Variants in ANKRD31 observed in about 807,000 individuals in gnomAD.
The protein encoded by ANKRD31 is ankyrin repeat domain-containing protein 31.
ANKRD31 carries 147 observed loss-of-function variants against 186.0 expected under a neutral mutation model. That is an observed-to-expected ratio of 0.79 (90% CI 0.69 to 0.91). The LOEUF is 0.91. Ranked by LOEUF, ANKRD31 falls within the 40% of genes least tolerant of loss-of-function variation. ANKRD31 has a pLI of 0.00. For missense variants in ANKRD31, 1,986 were observed against 2,148.8 expected, an observed-to-expected ratio of 0.92 and a Z score of 1.50; for synonymous variants, 673 against 736.4, an observed-to-expected ratio of 0.91 and a Z score of 1.39.
chr5:75,209,556 A>G (rs138021379), intron 4 of ANKRD31, among the ~76,000 whole-genome samples: 452 of 152,282 alleles, frequency 3.0e-3, no homozygotes, highest in African/African-American at 0.011. Context: ...ACACACCTGT[A>G]GTCCCAGCTA....
At chr5:75,129,733 T>C (rs1422256518) in intron 17 of ANKRD31, among the ~76,000 whole-genome samples, 1 of 152,200 alleles carries the variant, frequency 6.6e-6, no homozygotes, top group Non-Finnish European at 1.5e-5. Context: ...CAGAAGATGG[T>C]TGATTTCTGC....
intron 12 of ANKRD31, among the ~76,000 whole-genome samples, chr5:75,148,935 T>C (rs909520051): frequency 4.0e-5 from 6 of 151,858 alleles, no homozygotes; most frequent in Non-Finnish European, 8.8e-5. Context: ...TATGACCTTT[T>C]TATTCAATAG....
intron 25 of ANKRD31, among the ~76,000 whole-genome samples, 170 bp downstream of exon 25, chr5:75,080,398 T>C (rs1744992484): frequency 1.3e-5 from 2 of 152,182 alleles, no homozygotes; most frequent in African/African-American, 4.8e-5. Flanking sequence ...TTCTCTGAAA[T>C]CAAAGATCTT....
chr5:75,100,710 T>G (rs984934179), intron 22 of ANKRD31, among the ~76,000 whole-genome samples: 2 of 152,178 alleles, frequency 1.3e-5, no homozygotes, highest in Admixed American at 1.3e-4. Flanking sequence ...TCTTTGTTGG[T>G]TTAAAGTCTG....
chr5:75,154,664 G>A (rs1361586456), intron 11 of ANKRD31, among the ~76,000 whole-genome samples: 2 of 152,048 alleles, frequency 1.3e-5, no homozygotes, highest in East Asian at 3.9e-4. Context: ...CAGGCAGAAA[G>A]GCAGGAGGCA....
chr5:75,115,947 GAC>G (rs1414173126), intron 19 of ANKRD31, among the ~76,000 whole-genome samples: 1 of 152,044 alleles, frequency 6.6e-6, no homozygotes, highest in Non-Finnish European at 1.5e-5. Context: ...CTGCTATAAA[GAC>G]ACATGCACAC....
At chr5:75,207,541 A>G (rs1412133190) in intron 4 of ANKRD31, among the ~76,000 whole-genome samples, 1 of 152,156 alleles carries the variant, frequency 6.6e-6, no homozygotes, top group African/African-American at 2.4e-5. Flanking sequence ...GAATTATAGT[A>G]AAGTCAGTAA....
chr5:75,208,450 CTT>C (rs1382186342), intron 4 of ANKRD31, among the ~76,000 whole-genome samples: 1 of 150,110 alleles, frequency 6.7e-6, no homozygotes, highest in African/African-American at 2.5e-5. Flanking sequence ...ATCTTTTTTT[CTT>C]GAAGCACCTG....
chr5:75,206,833 C>G (rs1165176175), intron 4 of ANKRD31, among the ~76,000 whole-genome samples: 1 of 152,104 alleles, frequency 6.6e-6, no homozygotes, highest in Non-Finnish European at 1.5e-5. Context: ...GTTTTTCTAT[C>G]TACATCATCA....
chr5:75,165,553 C>T (rs1752861494), intron 11 of ANKRD31, among the ~76,000 whole-genome samples: 1 of 151,918 alleles, frequency 6.6e-6, no homozygotes, highest in Admixed American at 6.6e-5. Flanking sequence ...TTTTTTCCTT[C>T]TAAAAGGATA....
intron 5 of ANKRD31, among the ~76,000 whole-genome samples, chr5:75,202,910 C>A (rs1215089743): frequency 6.6e-6 from 1 of 152,240 alleles, no homozygotes; most frequent in Non-Finnish European, 1.5e-5. Context: ...GCAAGAAACA[C>A]ACAAAGCAAT....
In ANKRD31 at chr5:75,104,741, A is replaced by C. The variant is rs1414576632; in HGVS notation, c.4818T>G (p.Pro1606=). The change falls in exon 22 of 26, where the codon CCT becomes CCG. Residue 1606 remains proline, a synonymous_variant. Coordinates refer to ENST00000506364, the MANE Select transcript of ANKRD31 (RefSeq NM_001372053.1). ...GTEKNKLPSQ[P]VAFIGQTEYS... ...ATTCTGTTTGACCAATAAAAGCAAC[A>C]GGTTGGGATGGTAATTTATTCTTCT... 2.9e-5 allele frequency: 45 copies of C among 1,537,232 alleles called. No homozygotes were observed. The highest frequency in any genetic ancestry group is 3.8e-5 in the Non-Finnish European group (44 of 1,146,900).
chr5:75,122,963 G>C (rs1265013274), intron 17 of ANKRD31, among the ~76,000 whole-genome samples: 1 of 151,906 alleles, frequency 6.6e-6, no homozygotes, highest in African/African-American at 2.4e-5. Context: ...AGAAAGAAAA[G>C]GCATCCAAGT....
At chr5:75,084,034 G>A (rs1045744221) in intron 24 of ANKRD31, among the ~76,000 whole-genome samples, 1 of 152,200 alleles carries the variant, frequency 6.6e-6, no homozygotes, top group Non-Finnish European at 1.5e-5. Flanking sequence ...CAACAGCTGA[G>A]TGGGTACAGG....
rs1422698 is a variant in ANKRD31, at chr5:75,147,307, C to T, written c.2104G>A (p.Asp702Asn). ...GKSKHKQSTL[D>N]QIYSTGLRKG... ...CTGAGTCCTGTAGAGTATATCTGGT[C>T]AAGAGTTGATTGTTTATGCTTGGAT... The change falls in exon 14 of 26, where the codon GAC (aspartate) becomes AAC (asparagine). Residue 702 changes from aspartate to asparagine, a missense_variant. Transcript: ENST00000506364. 615,396 of 1,534,174 alleles carry T rather than the reference C, an allele frequency of 0.4. 133,270 individuals are homozygous for T. The highest frequency in any genetic ancestry group is 0.83 in the African/African-American group (60,481 of 72,816).
intron 4 of ANKRD31, among the ~76,000 whole-genome samples, chr5:75,208,500 A>C (rs1756399572): frequency 6.6e-6 from 1 of 152,078 alleles, no homozygotes; most frequent in African/African-American, 2.4e-5. Flanking sequence ...CTGACTGAGA[A>C]AGCTTCTTGA....
rs981217500 is a variant in ANKRD31, at chr5:75,192,783, A to T, written c.1299-7T>A. 3.8e-5 allele frequency: 57 copies of T among 1,518,288 alleles called. No individual in the cohort carries two copies. The highest frequency in any genetic ancestry group is 4.9e-5 in the Non-Finnish European group (56 of 1,136,290). 94.1% of individuals were successfully genotyped at this position (1,518,288 alleles called of 1,614,324 possible). On this transcript the variant is annotated splice_region_variant and splice_polypyrimidine_tract_variant and intron_variant, in intron 8 of 25. Transcript: ENST00000506364. ...TAAAGCCGGATCCTGCATTCTTGAA[A>T]AACAACGTATTTTTTAAATGGCTAT...
chr5:75,150,232 T>C (rs1175368116), intron 12 of ANKRD31, among the ~76,000 whole-genome samples: 2 of 151,908 alleles, frequency 1.3e-5, no homozygotes, highest in Admixed American at 6.6e-5. Flanking sequence ...TATGAGGCTA[T>C]AAAGTTAGGA....
In ANKRD31 at chr5:75,236,857, G is replaced by A. The variant is rs1758304866; in HGVS notation, c.-171C>T. On this transcript the variant is annotated 5_prime_UTR_variant, in exon 1 of 26. Coordinates refer to ENST00000506364, the MANE Select transcript of ANKRD31 (RefSeq NM_001372053.1). ...TGCTGAGGAGGACGCAGGCGGCCGC[G>A]AGCGCGGCGGGGTAGCAGTCTGCGA... The A allele has an allele frequency of 1.9e-5, 10 of 530,370 alleles. No individual in the cohort carries two copies. Among genetic ancestry groups the A allele is most frequent in the South Asian group, 2.7e-5 (1 of 37,380 alleles). The allele number at this position is 530,370 out of a possible 1,614,324, so 32.9% of individuals were successfully genotyped here.
Sources: allele counts gnomAD v4.1 joint callset (sites outside exome capture counted in the v4.1 genomes callset), GRCh38; gene constraint gnomAD v4.1.1; transcripts MANE v1.5; gene names NCBI Gene and HGNC (gene_info 2026-07-23, HGNC 2026-07-21).